The following EYS variants were observed in gnomAD, a reference collection of about 807,000 sequenced individuals.
EYS encodes EGF-like photoreceptor maintenance factor.
In EYS, 250 loss-of-function variants were observed where a neutral mutation model predicts 282.1. That is an observed-to-expected ratio of 0.89 (90% CI 0.80 to 0.98). EYS has a LOEUF of 0.98. Ranked by LOEUF, EYS falls within the 50% of genes least tolerant of loss-of-function variation. The pLI, the probability that EYS is intolerant of heterozygous loss-of-function variation, is 0.00. For synonymous variants in EYS, 1,355 were observed against 1,282.9 expected, an observed-to-expected ratio of 1.06 and a Z score of -1.20; for missense variants, 4,016 against 3,709.0, an observed-to-expected ratio of 1.08 and a Z score of -2.15.
intron 1 of EYS, among the ~76,000 whole-genome samples, chr6:65,672,247 C>T (rs1223464506): frequency 6.6e-6 from 1 of 152,008 alleles, no homozygotes; most frequent in Non-Finnish European, 1.5e-5. Flanking sequence ...AGTCTCAGAG[C>T]ACTAAAGGGA....
intron 22 of EYS, among the ~76,000 whole-genome samples, chr6:64,777,040 G>A (rs981279612): frequency 2.0e-5 from 3 of 152,152 alleles, no homozygotes; most frequent in African/African-American, 4.8e-5. Flanking sequence ...GAGAGAGAAT[G>A]AGAGCCCAGT....
intron 1 of EYS, among the ~76,000 whole-genome samples, chr6:65,670,860 G>A (rs918566369): frequency 4.6e-5 from 7 of 151,816 alleles, no homozygotes; most frequent in African/African-American, 1.2e-4. Context: ...CTTGGCCACA[G>A]TTATAGCTAT....
chr6:64,183,121 T>C (rs1349012393), intron 31 of EYS, among the ~76,000 whole-genome samples: 4 of 152,110 alleles, frequency 2.6e-5, no homozygotes, highest in African/African-American at 9.7e-5. Context: ...GCTTCCCTCT[T>C]CTCTGGGCAT....
At chr6:64,165,595 T>C (rs374203361) in intron 31 of EYS, among the ~76,000 whole-genome samples, 1 of 152,160 alleles carries the variant, frequency 6.6e-6, no homozygotes, top group Admixed American at 6.5e-5. Flanking sequence ...TGAATAATAC[T>C]TCATACTTTT....
At chr6:65,176,755 T>C (rs1232640798) in intron 12 of EYS, among the ~76,000 whole-genome samples, 1 of 151,724 alleles carries the variant, frequency 6.6e-6, no homozygotes, top group Non-Finnish European at 1.5e-5. Flanking sequence ...AATGATTATA[T>C]AATTTTGCAA....
intron 33 of EYS, among the ~76,000 whole-genome samples, chr6:64,040,801 C>G (rs989609176): frequency 6.6e-6 from 1 of 152,138 alleles, no homozygotes; most frequent in Non-Finnish European, 1.5e-5. Flanking sequence ...CATTATCTGG[C>G]TCTTTAGTTT....
At chr6:64,451,670 C>T (rs1185579951) in intron 26 of EYS, among the ~76,000 whole-genome samples, 9 of 152,062 alleles carry the variant, frequency 5.9e-5, no homozygotes, top group South Asian at 2.1e-4. Flanking sequence ...CATGATCAAG[C>T]GGGCTTCATC....
chr6:64,174,692 G>A (rs1162361506), intron 31 of EYS, among the ~76,000 whole-genome samples: 1 of 151,788 alleles, frequency 6.6e-6, no homozygotes, highest in African/African-American at 2.4e-5. Flanking sequence ...TAGGACATAT[G>A]TTTTACAAAT....
At chr6:64,268,186 AAGAG>A (rs1359934958) in intron 30 of EYS, among the ~76,000 whole-genome samples, 1 of 152,096 alleles carries the variant, frequency 6.6e-6, no homozygotes, top group Admixed American at 6.6e-5. Flanking sequence ...AGCTGTTAAA[AAGAG>A]AGAAGTAGAT....
intron 13 of EYS, among the ~76,000 whole-genome samples, chr6:65,053,866 A>G (rs1477212393): frequency 2.0e-5 from 3 of 151,954 alleles, no homozygotes; most frequent in African/African-American, 4.8e-5. Flanking sequence ...TAGTGAATCA[A>G]CTAAAAATTT....
In EYS at chr6:64,876,152, C is replaced by A. The variant is rs540428262; in HGVS notation, c.2992+10545G>T. ...TTGTAATATTACATCAAATTATATC[C>A]TATCTGAATTTAAAATTAATGTTAT... is the stretch of plus-strand genomic sequence containing the variant. On this transcript the variant is annotated intron_variant, in intron 19 of 42. Coordinates refer to ENST00000503581, the MANE Select transcript of EYS (RefSeq NM_001142800.2). Among the ~76,000 whole-genome samples, 6 of 151,986 alleles carry A rather than the reference C, an allele frequency of 3.9e-5. No homozygotes were observed. In the East Asian group the frequency reaches 1.2e-3, roughly 29 times the overall value.
intron 8 of EYS, among the ~76,000 whole-genome samples, chr6:65,367,940 AAG>A (rs1394046041): frequency 6.6e-6 from 1 of 151,674 alleles, no homozygotes; most frequent in Non-Finnish European, 1.5e-5. Context: ...ACTGCTAATA[AAG>A]ACATACCTGA....
chr6:65,251,039 G>GAAAAAAAAAAAAAAAAAAAAAAAAACAA (rs61504367), intron 12 of EYS, among the ~76,000 whole-genome samples: 1 of 88,818 alleles, frequency 1.1e-5, no homozygotes, highest in African/African-American at 3.8e-5. Context: ...AATAACAACA[G>GAAAAAAAAAAAAAAAAAAAAAAAAACAA]AAAAAAAAAA....
At chr6:64,719,625 T>C (rs1445553083) in intron 22 of EYS, among the ~76,000 whole-genome samples, 2 of 152,128 alleles carry the variant, frequency 1.3e-5, no homozygotes. Flanking sequence ...TCTTTCTTTA[T>C]ATGTCGCTAA....
chr6:64,714,548 C>T (rs1771318055), intron 22 of EYS, among the ~76,000 whole-genome samples: 1 of 126,698 alleles, frequency 7.9e-6, no homozygotes, highest in African/African-American at 3.2e-5. Flanking sequence ...TTTTTTGAGA[C>T]GGAGTCTGGC....
intron 31 of EYS, 148 bp downstream of exon 31, chr6:64,230,444 G>C (rs377279448): frequency 4.2e-6 from 2 of 477,412 alleles, no homozygotes; most frequent in Non-Finnish European, 7.3e-6. Flanking sequence ...GAAAGTATTC[G>C]ATCAGAATTC....
At chr6:65,390,335 A>G (rs1352895857) in intron 7 of EYS, among the ~76,000 whole-genome samples, 1 of 151,338 alleles carries the variant, frequency 6.6e-6, no homozygotes, top group Non-Finnish European at 1.5e-5. Context: ...ACTGAGAGAA[A>G]AGCTACTAGA....
chr6:63,775,982 A>G (rs1044317941), intron 40 of EYS, among the ~76,000 whole-genome samples: 3 of 152,188 alleles, frequency 2.0e-5, no homozygotes, highest in Non-Finnish European at 2.9e-5. Flanking sequence ...AATTATGTCA[A>G]TAAGAGGATC....
intron 36 of EYS, among the ~76,000 whole-genome samples, chr6:63,853,441 A>C (rs1483909239): frequency 6.6e-6 from 1 of 152,150 alleles, no homozygotes; most frequent in Non-Finnish European, 1.5e-5. Context: ...GAGAAAGACC[A>C]CTTCAAGGAG....
Sources: allele counts gnomAD v4.1 joint callset (sites outside exome capture counted in the v4.1 genomes callset), GRCh38; gene constraint gnomAD v4.1.1; transcripts MANE v1.5; gene names NCBI Gene and HGNC (gene_info 2026-07-23, HGNC 2026-07-21).